Variants in SLC6A11 observed in about 807,000 individuals in gnomAD.
The protein encoded by SLC6A11 is solute carrier family 6 member 11.
SLC6A11 carries 25 observed loss-of-function variants against 74.8 expected under a neutral mutation model. That is an observed-to-expected ratio of 0.33 (90% CI 0.24 to 0.47). The LOEUF (loss-of-function observed/expected upper bound fraction) is 0.47. SLC6A11 is among the 20% of genes least tolerant of loss of function. The pLI, the probability that SLC6A11 is intolerant of heterozygous loss-of-function variation, is 1.00. For synonymous variants in SLC6A11, 330 were observed against 330.2 expected, an observed-to-expected ratio of 1.00 and a Z score of 0.01; for missense variants, 574 against 837.0, an observed-to-expected ratio of 0.69 and a Z score of 3.88.
chr3:10,894,861 G>T (rs1201189701), intron 6 of SLC6A11, among the ~76,000 whole-genome samples: 1 of 152,204 alleles, frequency 6.6e-6, no homozygotes, highest in African/African-American at 2.4e-5. Context: ...CCATTCCATA[G>T]TGTTTATGGA....
rs890483176 is a variant in SLC6A11, at chr3:10,936,990, C to G, written c.1747-1260C>G. Among the ~76,000 whole-genome samples, 3 of 152,202 alleles carry G rather than the reference C, an allele frequency of 2.0e-5. No homozygotes were observed. In the South Asian group the frequency reaches 6.2e-4, roughly 32 times the overall value. On this transcript the variant is annotated intron_variant, in intron 13 of 13. Transcript: ENST00000254488. ...GACCCAGTTTCCAGGCCCTCCTTAC[C>G]GAGAGTCCTTGTGCCAGGTAGTCCA...
chr3:10,858,663 G>T, intron 5 of SLC6A11, among the ~76,000 whole-genome samples: 1 of 152,222 alleles, frequency 6.6e-6, no homozygotes, highest in East Asian at 1.9e-4. Context: ...GCTTAGCGAG[G>T]TACAGTAACC....
At chr3:10,835,528 G>T (rs1694355824) in intron 4 of SLC6A11, among the ~76,000 whole-genome samples, 1 of 152,098 alleles carries the variant, frequency 6.6e-6, no homozygotes, top group Non-Finnish European at 1.5e-5. Context: ...CTGAGTGCCT[G>T]CTCCTCTGGA....
chr3:10,853,460 C>T (rs947766589), intron 5 of SLC6A11, among the ~76,000 whole-genome samples: 2 of 152,246 alleles, frequency 1.3e-5, no homozygotes, highest in East Asian at 1.9e-4. Flanking sequence ...CTGCCAAGGC[C>T]ACCCCTCCCC....
intron 4 of SLC6A11, among the ~76,000 whole-genome samples, chr3:10,835,847 G>C (rs1191858038): frequency 6.6e-6 from 1 of 152,188 alleles, no homozygotes; most frequent in African/African-American, 2.4e-5. Flanking sequence ...GTTGGGAGGG[G>C]GGAGCCCTTC....
intron 5 of SLC6A11, among the ~76,000 whole-genome samples, chr3:10,848,492 A>G (rs1022976343): frequency 6.6e-6 from 1 of 152,192 alleles, no homozygotes; most frequent in Non-Finnish European, 1.5e-5. Context: ...AGCAATCTGT[A>G]TGCTCAGAAG....
In SLC6A11 at chr3:10,873,981, CGCTACGCTACGCTAT is replaced by C. The variant is rs796725285; in HGVS notation, c.757-975_757-961del. 2.0e-3 allele frequency among the ~76,000 whole-genome samples: 284 copies of C among 144,216 alleles called. 3 individuals are homozygous for C. Among genetic ancestry groups the C allele is most frequent in the African/African-American group, 6.2e-3 (227 of 36,398 alleles). The allele number at this position is 144,216 out of a possible 152,430, so 94.6% of individuals were successfully genotyped here. A position where few individuals can be genotyped will look rare whatever the true frequency, so the allele number is the denominator to read the frequency against. ...TGCTACGCTATGCTATGCTACGCTA[CGCTACGCTACGCTAT>C]GCTATGCTATGCTATGCTATACCAT... is the stretch of plus-strand genomic sequence containing the variant. On this transcript the variant is annotated intron_variant, in intron 5 of 13. Coordinates refer to ENST00000254488, the MANE Select transcript of SLC6A11 (RefSeq NM_014229.3).
chr3:10,917,749 C>T (rs1007325038), intron 7 of SLC6A11, among the ~76,000 whole-genome samples: 2 of 152,196 alleles, frequency 1.3e-5, no homozygotes, highest in African/African-American at 4.8e-5. Flanking sequence ...AAGGGTTCAA[C>T]CTGGAAGGGG....
intron 7 of SLC6A11, among the ~76,000 whole-genome samples, chr3:10,916,716 C>T (rs890609999): frequency 1.3e-5 from 2 of 152,196 alleles, no homozygotes; most frequent in African/African-American, 4.8e-5. Flanking sequence ...AAATATACTT[C>T]ACTCCAAGGA....
intron 6 of SLC6A11, 60 bp from the exon 7 acceptor site, chr3:10,912,030 C>A: frequency 8.9e-7 from 1 of 1,126,666 alleles, no homozygotes; most frequent in Non-Finnish European, 1.4e-6. Flanking sequence ...GAGACCAGGG[C>A]TACCCTCTCA....
chr3:10,857,412 G>A, intron 5 of SLC6A11, among the ~76,000 whole-genome samples: 1 of 152,152 alleles, frequency 6.6e-6, no homozygotes, highest in Admixed American at 6.5e-5. Flanking sequence ...TTCCTGAGTA[G>A]GGGGTGTGTT....
intron 6 of SLC6A11, among the ~76,000 whole-genome samples, chr3:10,887,295 G>A (rs1415142622): frequency 6.7e-6 from 1 of 149,054 alleles, no homozygotes; most frequent in Non-Finnish European, 1.5e-5. Flanking sequence ...GATGATAAAT[G>A]GATGATGGAT....
chr3:10,882,059 T>C (rs966041292), intron 6 of SLC6A11, among the ~76,000 whole-genome samples: 1 of 152,146 alleles, frequency 6.6e-6, no homozygotes, highest in Non-Finnish European at 1.5e-5. Flanking sequence ...GCATGAAGGC[T>C]GATAAAGTGT....
Position 10,929,292 on chromosome 3 carries a change from G to A in SLC6A11, c.1324G>A (p.Ala442Thr). 6.2e-7 allele frequency: 1 copy of A among 1,614,138 alleles called. No individual in the cohort carries two copies. The highest frequency in any genetic ancestry group is 8.5e-7 in the Non-Finnish European group (1 of 1,180,012). Residue 442 changes from alanine (A) to threonine (T), a missense_variant, in exon 10 of 14, where the codon GCC becomes ACC. Physicochemically the swap from Ala to Thr is moderately conservative, Grantham distance 58. This residue lies in a region of SLC6A11 where 257 missense variants were observed against 341.5 expected (regional missense o/e 0.75). Coordinates refer to ENST00000254488, the MANE Select transcript of SLC6A11 (RefSeq NM_014229.3). ...TTACCGGCGGGAGCTGCTCATCCTA[G>A]CCTTGTCTGTTATCTCCTATTTTCT... is the stretch of plus-strand genomic sequence containing the variant. ...RGYRRELLILALSVISYFLGL... is the reference protein window; with the variant it reads ...RGYRRELLILTLSVISYFLGL...
chr3:10,881,762 G>T (rs1450010089), intron 6 of SLC6A11, among the ~76,000 whole-genome samples: 1 of 152,150 alleles, frequency 6.6e-6, no homozygotes, highest in African/African-American at 2.4e-5. Context: ...CACCCCAGAG[G>T]ATACTCTTCT....
intron 6 of SLC6A11, among the ~76,000 whole-genome samples, chr3:10,899,874 A>G (rs1695216609): frequency 6.6e-6 from 1 of 152,344 alleles, no homozygotes; most frequent in Admixed American, 6.5e-5. Context: ...GAAATGCCCC[A>G]TGGAAAATGG....
intron 8 of SLC6A11, among the ~76,000 whole-genome samples, chr3:10,921,263 C>G (rs1424562456): frequency 6.6e-6 from 1 of 152,208 alleles, no homozygotes; most frequent in East Asian, 1.9e-4. Context: ...GCCTAATAAT[C>G]TCTTAACTGG....
At chr3:10,855,319 A>G (rs1416537650) in intron 5 of SLC6A11, among the ~76,000 whole-genome samples, 2 of 152,228 alleles carry the variant, frequency 1.3e-5, no homozygotes, top group South Asian at 2.1e-4. Context: ...TGGCAGAACT[A>G]TGATAATGAA....
chr3:10,922,551 A>G (rs1393025226), intron 8 of SLC6A11, among the ~76,000 whole-genome samples: 1 of 152,214 alleles, frequency 6.6e-6, no homozygotes, highest in Non-Finnish European at 1.5e-5. Flanking sequence ...GAAACAAACA[A>G]GGATGGTTAC....
Sources: allele counts gnomAD v4.1 joint callset (sites outside exome capture counted in the v4.1 genomes callset), GRCh38; gene constraint gnomAD v4.1.1; regional missense constraint gnomAD v4.1.1; transcripts MANE v1.5; gene names NCBI Gene and HGNC (gene_info 2026-07-23, HGNC 2026-07-21).